HSPA14: variants seen among roughly 807,000 people sequenced by gnomAD.
The protein encoded by HSPA14 is heat shock 70 kDa protein 14.
A neutral mutation model predicts 65.5 loss-of-function variants in HSPA14; 37 were observed. The ratio of observed to expected loss-of-function variants is 0.56; its 90% CI spans 0.43 to 0.74. The LOEUF (loss-of-function observed/expected upper bound fraction) is 0.74, where lower values mean the gene tolerates loss of function less well. Ranked by LOEUF, HSPA14 falls within the 30% of genes least tolerant of loss-of-function variation. The pLI, the probability that HSPA14 is intolerant of heterozygous loss-of-function variation, is 0.00. For missense variants in HSPA14, 564 were observed against 607.6 expected, an observed-to-expected ratio of 0.93 and a Z score of 0.75; for synonymous variants, 203 against 214.2, an observed-to-expected ratio of 0.95 and a Z score of 0.46.
At chr10:14,855,367 G>A (rs539670884) in intron 9 of HSPA14, among the ~76,000 whole-genome samples, 2 of 152,236 alleles carry the variant, frequency 1.3e-5, no homozygotes, top group Non-Finnish European at 2.9e-5. Flanking sequence ...CAGGGAGTAC[G>A]GAGGGGCTAA....
chr10:14,857,569 A>G (rs1832715235), intron 10 of HSPA14, among the ~76,000 whole-genome samples: 1 of 152,148 alleles, frequency 6.6e-6, no homozygotes, highest in Admixed American at 6.6e-5. Context: ...TTTTTATCTC[A>G]TATTATTTGC....
chr10:14,839,600 G>T (rs973780615), intron 1 of HSPA14, among the ~76,000 whole-genome samples: 2 of 151,972 alleles, frequency 1.3e-5, no homozygotes, highest in South Asian at 4.1e-4. Flanking sequence ...AATGGTAATG[G>T]TAAGAAGGAA....
chr10:14,840,846 C>T (rs2131634321), intron 3 of HSPA14, among the ~76,000 whole-genome samples: 1 of 152,268 alleles, frequency 6.6e-6, no homozygotes, highest in Non-Finnish European at 1.5e-5. Context: ...ATTTAATTCT[C>T]TCAACATCCT....
In HSPA14 at chr10:14,848,656, T is replaced by C; in HGVS notation, c.269T>C (p.Leu90Ser). 2 of 1,609,642 alleles carry C rather than the reference T, an allele frequency of 1.2e-6. No individual in the cohort carries two copies. The highest frequency in any genetic ancestry group is 8.5e-7 in the Non-Finnish European group (1 of 1,176,638). The change falls in exon 4 of 14, where the codon TTA becomes TCA. Residue 90 changes from leucine (L) to serine (S), a missense_variant and splice_region_variant. Leu to Ser is a moderately radical substitution (Grantham distance 145). Coordinates refer to ENST00000378372, the MANE Select transcript of HSPA14 (RefSeq NM_016299.4). Reference sequence around the variant, plus strand: ...AAATACATCGCGGAAAGTAAATGTTTAGTGAGTATGGTTCTGTTATTGCTT... The same window carrying C: ...AAATACATCGCGGAAAGTAAATGTTCAGTGAGTATGGTTCTGTTATTGCTT... ...AQKYIAESKC[L>S]VIEKNGKLRY...
chr10:14,862,173 G>A (rs1445874055), intron 10 of HSPA14, among the ~76,000 whole-genome samples: 3 of 146,496 alleles, frequency 2.0e-5, no homozygotes, highest in African/African-American at 5.0e-5. Context: ...ACTAACAGGC[G>A]CCTGCCACCA....
chr10:14,868,730 GTTTT>G (rs1204216846), intron 12 of HSPA14, among the ~76,000 whole-genome samples: 1 of 152,182 alleles, frequency 6.6e-6, no homozygotes, highest in Non-Finnish European at 1.5e-5. Flanking sequence ...ACCAAGAGGG[GTTTT>G]TTGACTTTTG....
chr10:14,844,906 C>T, intron 3 of HSPA14: 5 of 985,396 alleles, frequency 5.1e-6, no homozygotes, highest in Non-Finnish European at 6.0e-6. Context: ...TTATACAGGG[C>T]AAGCCCTAGA....
chr10:14,853,621 T>A (rs1834123696), intron 8 of HSPA14, among the ~76,000 whole-genome samples: 1 of 152,338 alleles, frequency 6.6e-6, no homozygotes, highest in Non-Finnish European at 1.5e-5. Flanking sequence ...TTTCTTGAGG[T>A]GACCCCTTTA....
chr10:14,849,654 T>C, intron 5 of HSPA14, 67 bp from the exon 6 acceptor site: 1 of 1,226,390 alleles, frequency 8.2e-7, no homozygotes, highest in South Asian at 1.3e-5. Context: ...CATAAATTAA[T>C]AAACCTCAGA....
intron 10 of HSPA14, among the ~76,000 whole-genome samples, chr10:14,859,387 A>C (rs933402705): frequency 6.6e-6 from 1 of 152,224 alleles, no homozygotes; most frequent in Non-Finnish European, 1.5e-5. Context: ...CTTTTCGGCT[A>C]TCTCAAACTT....
intron 9 of HSPA14, among the ~76,000 whole-genome samples, chr10:14,855,321 T>C (rs1834138210): frequency 6.6e-6 from 1 of 152,232 alleles, no homozygotes; most frequent in African/African-American, 2.4e-5. Flanking sequence ...CATAAATTTT[T>C]CTTAAAACTT....
chr10:14,838,438 A>G lies in HSPA14; in HGVS notation c.36A>G (p.Ser12=), dbSNP rs776869062. The part of the protein sequence containing the change: ...AAIGVHLGCT[S]ACVAVYKDGR... ...TCGGAGTTCACCTGGGCTGCACCTC[A>G]GCCTGTGTGGCCGTCTATAAGGTGA... The change falls in exon 1 of 14, where the codon TCA becomes TCG. Residue 12 remains serine (S), a synonymous_variant. Coordinates refer to ENST00000378372, the MANE Select transcript of HSPA14 (RefSeq NM_016299.4). 3.2e-5 allele frequency: 52 copies of G among 1,606,368 alleles called. No homozygotes were observed. Among genetic ancestry groups the G allele is most frequent in the Non-Finnish European group, 4.1e-5 (48 of 1,178,492 alleles).
intron 10 of HSPA14, among the ~76,000 whole-genome samples, chr10:14,860,767 G>T (rs1408306391): frequency 6.6e-6 from 1 of 152,130 alleles, no homozygotes; most frequent in Non-Finnish European, 1.5e-5. Context: ...CGATGTAGGG[G>T]TCTGGATTTG....
rs555699843 is a variant in HSPA14 at position 14,849,031 on chromosome 10, C to T, written c.376+136C>T. Reference sequence around the variant, plus strand: ...AGATAAGTAAGGACATATAAACTGTCGACCTGGTTGGGGCACTAACTGGGT... The same window carrying T: ...AGATAAGTAAGGACATATAAACTGTTGACCTGGTTGGGGCACTAACTGGGT... On this transcript the variant is annotated intron_variant, in intron 5 of 13. Coordinates refer to ENST00000378372, the MANE Select transcript of HSPA14 (RefSeq NM_016299.4). The T allele has an allele frequency of 1.4e-4, 76 of 547,214 alleles. 1 individual carries two copies. The South Asian group carries it at 1.7e-3, about 12-fold the overall frequency. 33.9% of individuals were successfully genotyped at this position (547,214 alleles called of 1,614,324 possible). A position where few individuals can be genotyped will look rare whatever the true frequency, so the allele number is the denominator to read the frequency against.
intron 12 of HSPA14, 130 bp from the exon 13 acceptor site, chr10:14,870,467 T>C (rs1832844644): frequency 5.9e-6 from 6 of 1,016,380 alleles, no homozygotes; most frequent in South Asian, 1.7e-5. Flanking sequence ...GGTAGGAGAA[T>C]TGAAAACTGC....
At chr10:14,859,984 T>C (rs186574063) in intron 10 of HSPA14, among the ~76,000 whole-genome samples, 1 of 152,358 alleles carries the variant, frequency 6.6e-6, no homozygotes, top group African/African-American at 2.4e-5. Context: ...TAGTATTTAG[T>C]TTCCTAATCA....
Position 14,842,870 on chromosome 10 carries a change from G to A in HSPA14, c.221+2713G>A. ...AGGTAACTCCCAAGCATGTGAAGGA[G>A]TTGGGTCCCAGAGTCTTGTGGCTCT... On this transcript the variant is annotated intron_variant, in intron 3 of 13. Coordinates refer to ENST00000378372, the MANE Select transcript of HSPA14 (RefSeq NM_016299.4). This position sits in a 1 kb window ranked among gnomAD's most constrained non-coding sequence, Gnocchi z 5.2. 1 of 1,469,758 alleles carries A rather than the reference G, an allele frequency of 6.8e-7. No individual in the cohort carries two copies. Among genetic ancestry groups the A allele is most frequent in the Non-Finnish European group, 9.1e-7 (1 of 1,098,510 alleles). 91.0% of individuals were successfully genotyped at this position (1,469,758 alleles called of 1,614,324 possible).
At chr10:14,852,774 A>G (rs1834118427) in intron 8 of HSPA14, among the ~76,000 whole-genome samples, 1 of 152,200 alleles carries the variant, frequency 6.6e-6, no homozygotes, top group African/African-American at 2.4e-5. Flanking sequence ...AGACCGTCAG[A>G]TACTGAACTG....
intron 7 of HSPA14, 96 bp from the exon 8 acceptor site, chr10:14,852,274 A>G (rs1219717897): frequency 2.1e-6 from 2 of 972,702 alleles, no homozygotes; most frequent in East Asian, 2.4e-5. Context: ...CTATTTCCTC[A>G]TTTGTAAATT....
Sources: gnomAD v4.1 joint callset for allele counts (sites outside exome capture counted in the v4.1 genomes callset) on GRCh38, gnomAD v4.1.1 for gene constraint, Gnocchi (gnomAD v3.1) non-coding constraint, MANE v1.5 for transcripts, NCBI Gene and HGNC (gene_info 2026-07-23, HGNC 2026-07-21) for gene names.